The following CD96 variants were observed in gnomAD, a reference collection of about 807,000 sequenced individuals.
CD96 encodes T-cell surface protein tactile.
CD96 carries 70 observed loss-of-function variants against 71.3 expected under a neutral mutation model. The ratio of observed to expected loss-of-function variants is 0.98; its 90% CI spans 0.81 to 1.20. The LOEUF (loss-of-function observed/expected upper bound fraction) is 1.20. Among genes scored for constraint, CD96 ranks in the 50% most tolerant of loss-of-function variants. The pLI, the probability that CD96 is intolerant of heterozygous loss-of-function variation, is 0.00. For missense variants in CD96, 742 were observed against 677.5 expected (o/e 1.10, Z -1.06); for synonymous variants, 248 against 233.0 (o/e 1.06, Z -0.59).
At chr3:111,600,097 A>G (rs144051898) in intron 6 of CD96, among the ~76,000 whole-genome samples, 1 of 152,346 alleles carries the variant, frequency 6.6e-6, no homozygotes, top group Non-Finnish European at 1.5e-5. Context: ...CAAGAAGAGG[A>G]GACAACATAG....
At chr3:111,621,422 G>A (rs1559761465) in intron 8 of CD96, among the ~76,000 whole-genome samples, 1 of 152,084 alleles carries the variant, frequency 6.6e-6, no homozygotes. Flanking sequence ...ATATCTCTCA[G>A]TATCTCACAG....
intron 14 of CD96, among the ~76,000 whole-genome samples, chr3:111,657,837 G>T (rs542446455): frequency 6.6e-6 from 1 of 152,106 alleles, no homozygotes; most frequent in African/African-American, 2.4e-5. Context: ...TCCTTCCCAA[G>T]CATCACATCT....
chr3:111,576,329 T>C (rs1028413099), intron 3 of CD96, among the ~76,000 whole-genome samples: 1 of 152,166 alleles, frequency 6.6e-6, no homozygotes, highest in African/African-American at 2.4e-5. Flanking sequence ...AGCATTATTA[T>C]CAAGTAGGAG....
At position 111,600,835 on chromosome 3, in the gene CD96, C is replaced by A. The variant is rs368568741; in HGVS notation, c.1008C>A (p.Thr336=). The A allele has an allele frequency of 1.3e-5, 21 of 1,612,496 alleles. No individual in the cohort carries two copies. The highest frequency in any genetic ancestry group is 1.7e-5 in the Non-Finnish European group (20 of 1,178,648). ...AACCAGCCCAATCAGACAACTTGAC[C>A]ATTTGGTGTATGGCTCTGTCTCCAG... ...SNKPAQSDNL[T]IWCMALSPVP... is the part of the protein sequence containing the mutation. Residue 336 remains threonine, a synonymous_variant, in exon 7 of 14, where the codon ACC becomes ACA. Coordinates refer to ENST00000352690, the MANE Select transcript of CD96 (RefSeq NM_005816.5).
chr3:111,600,131 T>C (rs1242346166), intron 6 of CD96, among the ~76,000 whole-genome samples: 1 of 152,192 alleles, frequency 6.6e-6, no homozygotes, highest in Non-Finnish European at 1.5e-5. Flanking sequence ...ATATGCAGCA[T>C]ATCCTATCCT....
At chr3:111,662,821 C>G (rs185255745) in intron 14 of CD96, among the ~76,000 whole-genome samples, 5 of 152,230 alleles carry the variant, frequency 3.3e-5, no homozygotes, top group Admixed American at 2.6e-4. Context: ...AACTTTCCCT[C>G]ATCTTCCTGC....
chr3:111,603,512 A>G (rs1358087745), intron 7 of CD96, among the ~76,000 whole-genome samples: 1 of 151,674 alleles, frequency 6.6e-6, no homozygotes, highest in Admixed American at 6.6e-5. Context: ...TGCTGAGTCT[A>G]TTTCTGGCAG....
intron 4 of CD96, among the ~76,000 whole-genome samples, chr3:111,583,206 G>A (rs768779199): frequency 8.5e-5 from 13 of 152,228 alleles, no homozygotes; most frequent in South Asian, 2.1e-4. Flanking sequence ...AAATCTTAAA[G>A]TTCCAAAATG....
At chr3:111,571,334 CCT>C (rs1935976455) in intron 3 of CD96, among the ~76,000 whole-genome samples, 1 of 150,766 alleles carries the variant, frequency 6.6e-6, no homozygotes, top group African/African-American at 2.4e-5. Flanking sequence ...CTATTTGTCC[CCT>C]TTCCCCACAG....
At chr3:111,639,286 G>T (rs375705238) in intron 12 of CD96, among the ~76,000 whole-genome samples, 2 of 152,274 alleles carry the variant, frequency 1.3e-5, no homozygotes, top group South Asian at 2.1e-4. Flanking sequence ...TTGGCGGGGT[G>T]GGGGGCATGG....
chr3:111,663,000 T>G (rs1940393048), intron 14 of CD96, among the ~76,000 whole-genome samples: 1 of 152,178 alleles, frequency 6.6e-6, no homozygotes. Flanking sequence ...CTGAGTAATT[T>G]ATGGAGAAAA....
intron 10 of CD96, among the ~76,000 whole-genome samples, chr3:111,632,097 A>C (rs1007187538): frequency 6.6e-6 from 1 of 152,202 alleles, no homozygotes; most frequent in Non-Finnish European, 1.5e-5. Context: ...AAGCAATTGC[A>C]ACAAAAACAA....
chr3:111,630,434 T>TA (rs1458749262), intron 10 of CD96, among the ~76,000 whole-genome samples: 1 of 152,132 alleles, frequency 6.6e-6, no homozygotes, highest in Non-Finnish European at 1.5e-5. Context: ...CCTGGGCATA[T>TA]ACACCCTCCA....
intron 8 of CD96, among the ~76,000 whole-genome samples, chr3:111,608,069 GCT>G (rs1346097486): frequency 6.6e-6 from 1 of 152,196 alleles, no homozygotes. Context: ...GCTGGAAGGT[GCT>G]AACCTGGGTT....
At chr3:111,662,488 T>A (rs1487315361) in intron 14 of CD96, among the ~76,000 whole-genome samples, 4 of 152,248 alleles carry the variant, frequency 2.6e-5, no homozygotes, top group Non-Finnish European at 5.9e-5. Context: ...GCTTCCTTTT[T>A]AAATATAAGT....
chr3:111,547,895 A>G (rs1934495486), intron 2 of CD96, among the ~76,000 whole-genome samples: 1 of 152,166 alleles, frequency 6.6e-6, no homozygotes. Flanking sequence ...GTGACCACAA[A>G]TGTAAGCCTG....
chr3:111,662,841 A>G (rs1247276816), intron 14 of CD96, among the ~76,000 whole-genome samples: 2 of 152,138 alleles, frequency 1.3e-5, no homozygotes, highest in Non-Finnish European at 2.9e-5. Context: ...CCTTCTTCTG[A>G]TCCCTGCAAA....
At chr3:111,621,058 C>T (rs916388696) in intron 8 of CD96, among the ~76,000 whole-genome samples, 7 of 152,156 alleles carry the variant, frequency 4.6e-5, no homozygotes, top group Non-Finnish European at 8.8e-5. Flanking sequence ...ATGTCCTGGT[C>T]AGTGCCAGCA....
At chr3:111,565,919 T>C (rs565096927) in intron 2 of CD96, among the ~76,000 whole-genome samples, 2 of 151,566 alleles carry the variant, frequency 1.3e-5, no homozygotes, top group South Asian at 2.1e-4. Flanking sequence ...ATAGATGATA[T>C]TGATAAGAGA....
Sources: gnomAD v4.1 joint callset for allele counts (sites outside exome capture counted in the v4.1 genomes callset) on GRCh38, gnomAD v4.1.1 for gene constraint, MANE v1.5 for transcripts, NCBI Gene and HGNC (gene_info 2026-07-23, HGNC 2026-07-21) for gene names.